Variants in COL24A1 observed in about 807,000 individuals in gnomAD.
COL24A1 encodes collagen alpha-1(XXIV) chain.
COL24A1 carries 224 observed loss-of-function variants against 253.9 expected under a neutral mutation model. That is an observed-to-expected ratio of 0.88 (90% CI 0.79 to 0.99). COL24A1 has a LOEUF of 0.99. COL24A1 is among the 50% of genes least tolerant of loss of function. The pLI, the probability that COL24A1 is intolerant of heterozygous loss-of-function variation, is 0.00. For missense variants in COL24A1, 2,131 were observed against 2,068.5 expected (o/e 1.03, Z -0.59); for synonymous variants, 685 against 673.7 (o/e 1.02, Z -0.26).
In COL24A1 at chr1:85,761,414, A is replaced by C; in HGVS notation, c.4419T>G (p.Pro1473=). 6.2e-7 allele frequency: 1 copy of C among 1,614,140 alleles called. No homozygotes were observed. The highest frequency in any genetic ancestry group is 1.1e-5 in the South Asian group (1 of 91,082). Reference sequence around the variant, plus strand: ...AACTTACTCTTGGGCCTGGTGCTCCAGGTGGACCCTAGAACACAGCAAATT... The same window carrying C: ...AACTTACTCTTGGGCCTGGTGCTCCCGGTGGACCCTAGAACACAGCAAATT... The part of the protein sequence containing the change: ...PRGQPGPPGP[P]GAPGPRKQMD... Residue 1473 remains proline (P), a synonymous_variant, in exon 55 of 60, where the codon CCT becomes CCG. Transcript: ENST00000370571.
intron 2 of COL24A1, among the ~76,000 whole-genome samples, chr1:86,143,949 T>C (rs74097697): frequency 0.041 from 6,272 of 152,230 alleles, 447 homozygotes; most frequent in African/African-American, 0.14. Context: ...ACAATTTATC[T>C]GATAATGGTT....
intron 1 of COL24A1, among the ~76,000 whole-genome samples, chr1:86,151,157 A>G (rs1402403163): frequency 6.6e-6 from 1 of 152,050 alleles, no homozygotes; most frequent in Non-Finnish European, 1.5e-5. Flanking sequence ...ACAAAACTGT[A>G]ACGGTCTTCC....
chr1:85,899,319 G>T (rs1232972293), intron 28 of COL24A1, among the ~76,000 whole-genome samples: 1 of 152,148 alleles, frequency 6.6e-6, no homozygotes, highest in Non-Finnish European at 1.5e-5. Context: ...TTGAAAATGT[G>T]TCCACTGGTA....
At chr1:85,739,461 C>T (rs1320865637) in intron 57 of COL24A1, among the ~76,000 whole-genome samples, 1 of 152,156 alleles carries the variant, frequency 6.6e-6, no homozygotes, top group Admixed American at 6.5e-5. Flanking sequence ...CCTGAGGACA[C>T]TGCTTCTCTT....
At chr1:85,837,761 G>C (rs1391261069) in intron 43 of COL24A1, among the ~76,000 whole-genome samples, 1 of 152,162 alleles carries the variant, frequency 6.6e-6, no homozygotes, top group African/African-American at 2.4e-5. Flanking sequence ...GGGAATTTGA[G>C]TGAAATTATA....
rs199577782 is a variant in COL24A1 at position 86,029,611 on chromosome 1, ATTT to A, written c.2049+2264_2049+2266del. Among the ~76,000 whole-genome samples, 1,088 of 129,536 alleles carry A rather than the reference ATTT, an allele frequency of 8.4e-3. 13 individuals carry two copies. The highest frequency in any genetic ancestry group is 0.029 in the African/African-American group (1,008 of 35,278). The allele number at this position is 129,536 out of a possible 152,430, so 85.0% of individuals were successfully genotyped here. On this transcript the variant is annotated intron_variant, in intron 14 of 59. Transcript: ENST00000370571. ...TGACTTATTTATTTTTATTTATTTG[ATTT>A]TTTTTTTTTTTTTTTTAGAGAGATG... is the stretch of plus-strand genomic sequence containing the variant.
intron 22 of COL24A1, among the ~76,000 whole-genome samples, chr1:85,966,111 G>A (rs775742794): frequency 2.0e-5 from 3 of 152,112 alleles, no homozygotes; most frequent in Non-Finnish European, 2.9e-5. Flanking sequence ...CAGGGTGGTA[G>A]CAGAGTGGTA....
At chr1:85,743,054 T>C (rs1375053759) in intron 57 of COL24A1, among the ~76,000 whole-genome samples, 1 of 152,196 alleles carries the variant, frequency 6.6e-6, no homozygotes, top group African/African-American at 2.4e-5. Context: ...TCTTCCTGAT[T>C]GTATTTGCAA....
intron 1 of COL24A1, among the ~76,000 whole-genome samples, chr1:86,147,139 C>T (rs1438841141): frequency 7.9e-5 from 12 of 152,060 alleles, no homozygotes; most frequent in Non-Finnish European, 1.5e-5. Context: ...CATTAATTCC[C>T]TTTTATTAAA....
At chr1:85,772,813 G>A (rs1236474517) in intron 53 of COL24A1, among the ~76,000 whole-genome samples, 1 of 152,166 alleles carries the variant, frequency 6.6e-6, no homozygotes, top group Non-Finnish European at 1.5e-5. Flanking sequence ...CTACCATTCT[G>A]TAGGTTGCCT....
intron 47 of COL24A1, among the ~76,000 whole-genome samples, chr1:85,802,608 T>A (rs1019436098): frequency 6.6e-6 from 1 of 152,170 alleles, no homozygotes; most frequent in Non-Finnish European, 1.5e-5. Flanking sequence ...ACGAAGTAAA[T>A]TTCAAAGTAT....
intron 24 of COL24A1, among the ~76,000 whole-genome samples, chr1:85,924,178 A>G (rs1686898548): frequency 6.6e-6 from 1 of 152,218 alleles, no homozygotes; most frequent in Admixed American, 6.5e-5. Context: ...GCAATAATTA[A>G]TAGCCTACCA....
chr1:85,800,666 A>G (rs956329778), intron 47 of COL24A1, among the ~76,000 whole-genome samples: 3 of 152,174 alleles, frequency 2.0e-5, no homozygotes, highest in Admixed American at 2.0e-4. Flanking sequence ...GAACACTATT[A>G]CTGATGCAAC....
rs149629960 is a variant in COL24A1 at position 86,036,824 on chromosome 1, T to A, written c.1951-2901A>T. Among the ~76,000 whole-genome samples the A allele has an allele frequency of 3.0e-3, 460 of 152,290 alleles. 1 individual carries two copies. The highest frequency in any genetic ancestry group is 9.1e-3 in the African/African-American group (377 of 41,576). ...GAAAGAATGTTGAAGAATGAAATAT[T>A]TTGTTATATTTTCCTGGTAGAAAAT... On this transcript the variant is annotated intron_variant, in intron 12 of 59. Transcript: ENST00000370571.
Position 85,842,411 on chromosome 1 carries a change from T to C in COL24A1, c.3463-18A>G. ...AAATGTCCCTGAAAAACAAAGTAAA[T>C]ATTAGTGAGAGAGAGAAAGTAAAGA... On this transcript the variant is annotated intron_variant, in intron 39 of 59. Transcript: ENST00000370571. The C allele has an allele frequency of 4.6e-6, 7 of 1,532,400 alleles. No individual in the cohort carries two copies. The highest frequency in any genetic ancestry group is 6.3e-6 in the Non-Finnish European group (7 of 1,116,562). The allele number at this position is 1,532,400 out of a possible 1,614,324, so 94.9% of individuals were successfully genotyped here.
chr1:86,008,763 C>G (rs58845753), intron 19 of COL24A1, among the ~76,000 whole-genome samples: 1 of 150,836 alleles, frequency 6.6e-6, no homozygotes, highest in Non-Finnish European at 1.5e-5. Context: ...AATGGCAAAA[C>G]GAACTAAAAA....
intron 12 of COL24A1, among the ~76,000 whole-genome samples, chr1:86,036,596 C>T (rs577543280): frequency 3.3e-5 from 5 of 151,978 alleles, no homozygotes; most frequent in Admixed American, 6.6e-5. Flanking sequence ...TTTTTCAATG[C>T]TAATAACTGC....
intron 24 of COL24A1, among the ~76,000 whole-genome samples, chr1:85,955,575 C>A (rs1329797966): frequency 6.6e-6 from 1 of 152,232 alleles, no homozygotes; most frequent in Non-Finnish European, 1.5e-5. Flanking sequence ...CTACGCACTA[C>A]CTGCCTGTCT....
chr1:86,084,884 G>A (rs1360422991), intron 7 of COL24A1, among the ~76,000 whole-genome samples: 1 of 152,102 alleles, frequency 6.6e-6, no homozygotes, highest in Admixed American at 6.6e-5. Context: ...GGTAACAGTG[G>A]TGGCAGCACA....
Sources: gnomAD v4.1 joint callset for allele counts (sites outside exome capture counted in the v4.1 genomes callset) on GRCh38, gnomAD v4.1.1 for gene constraint, MANE v1.5 for transcripts, NCBI Gene and HGNC (gene_info 2026-07-23, HGNC 2026-07-21) for gene names.